The following ABCG2 variants were observed in gnomAD, a reference collection of about 807,000 sequenced individuals.
ABCG2 encodes the protein ATP binding cassette subfamily G member 2 (JR blood group), also known as broad substrate specificity ATP-binding cassette transporter ABCG2.
A neutral mutation model predicts 73.5 loss-of-function variants in ABCG2; 80 were observed. The ratio of observed to expected loss-of-function variants is 1.09; its 90% CI spans 0.91 to 1.31. The LOEUF is 1.31. Among genes scored for constraint, ABCG2 ranks in the 50% most tolerant of loss-of-function variants. The probability of loss-of-function intolerance (pLI) is 0.00; values close to 1 mark genes in which losing one functional copy is unlikely to be tolerated. For missense variants in ABCG2, 796 were observed against 786.2 expected (o/e 1.01, Z -0.15); for synonymous variants, 269 against 282.4 (o/e 0.95, Z 0.48).
intron 1 of ABCG2, among the ~76,000 whole-genome samples, chr4:88,221,908 A>G (rs1056593004): frequency 2.0e-5 from 3 of 152,246 alleles, no homozygotes; most frequent in Admixed American, 1.3e-4. Flanking sequence ...AGTAACAAGG[A>G]GCTGAATGTT....
intron 1 of ABCG2, among the ~76,000 whole-genome samples, chr4:88,219,866 G>A (rs1729952172): frequency 6.6e-6 from 1 of 151,782 alleles, no homozygotes; most frequent in Admixed American, 6.6e-5. Flanking sequence ...TGGGATTACA[G>A]GCTCAAATAG....
At chr4:88,166,711 T>C (rs1395217012) in intron 1 of ABCG2, among the ~76,000 whole-genome samples, 1 of 152,176 alleles carries the variant, frequency 6.6e-6, no homozygotes, top group Non-Finnish European at 1.5e-5. Flanking sequence ...GTTAGATAAA[T>C]TCTAGGGTAC....
At chr4:88,151,751 AAAG>A (rs900146666) in intron 1 of ABCG2, among the ~76,000 whole-genome samples, 2 of 152,198 alleles carry the variant, frequency 1.3e-5, no homozygotes, top group African/African-American at 4.8e-5. Context: ...AAAAAAAAAA[AAAG>A]AATTATTAAC....
intron 1 of ABCG2, among the ~76,000 whole-genome samples, chr4:88,178,156 G>C (rs976221141): frequency 3.9e-5 from 6 of 152,162 alleles, no homozygotes; most frequent in African/African-American, 1.4e-4. Context: ...ACAGCTCTGG[G>C]AGAAACTCCT....
intron 1 of ABCG2, among the ~76,000 whole-genome samples, chr4:88,186,499 T>C (rs1166384508): frequency 6.6e-6 from 1 of 152,166 alleles, no homozygotes; most frequent in East Asian, 1.9e-4. Context: ...GTTATAAGCA[T>C]GGTCGGTGGC....
chr4:88,213,740 T>C (rs1429649792), intron 1 of ABCG2, among the ~76,000 whole-genome samples: 3 of 152,000 alleles, frequency 2.0e-5, no homozygotes, highest in Non-Finnish European at 4.4e-5. Flanking sequence ...TAGAGTGCAG[T>C]GGTGCGATCT....
intron 7 of ABCG2, among the ~76,000 whole-genome samples, 194 bp from the exon 8 acceptor site, chr4:88,115,252 C>CTA (rs1459483704): frequency 2.5e-5 from 2 of 79,906 alleles, no homozygotes; most frequent in African/African-American, 8.6e-5. Context: ...CTCTCTCTCT[C>CTA]TCTCTATATA....
intron 2 of ABCG2, among the ~76,000 whole-genome samples, chr4:88,135,716 C>G (rs1182314521): frequency 6.6e-6 from 1 of 152,182 alleles, no homozygotes; most frequent in East Asian, 1.9e-4. Flanking sequence ...ATGTCCTGCA[C>G]TAGCAGGCAT....
intron 1 of ABCG2, among the ~76,000 whole-genome samples, chr4:88,221,865 G>T (rs1379560555): frequency 6.6e-6 from 1 of 152,218 alleles, no homozygotes; most frequent in African/African-American, 2.4e-5. Flanking sequence ...TTATTCTGGG[G>T]AGAAATTCAA....
At chr4:88,200,155 T>C (rs146883245) in intron 1 of ABCG2, among the ~76,000 whole-genome samples, 1 of 151,890 alleles carries the variant, frequency 6.6e-6, no homozygotes, top group East Asian at 2.0e-4. Flanking sequence ...CAAAACCCCA[T>C]CTCTACTAAA....
intron 5 of ABCG2, among the ~76,000 whole-genome samples, chr4:88,124,265 A>T (rs573010030): frequency 6.6e-6 from 1 of 152,332 alleles, no homozygotes; most frequent in South Asian, 2.1e-4. Flanking sequence ...TTAATGGGCA[A>T]AATAACCAGC....
chr4:88,176,741 G>T (rs13135956), intron 1 of ABCG2, among the ~76,000 whole-genome samples: 69 of 143,260 alleles, frequency 4.8e-4, no homozygotes, highest in Non-Finnish European at 6.7e-4. Context: ...CAGTCCTCTC[G>T]CCTTGGCCTC....
upstream of ABCG2, among the ~76,000 whole-genome samples, chr4:88,163,045 A>G (rs575651237): frequency 2.6e-3 from 392 of 152,314 alleles, no homozygotes; most frequent in African/African-American, 9.1e-3. Context: ...TGGCAAGGTC[A>G]GGTTTCAGAC....
At chr4:88,117,125 A>C (rs1371086186) in intron 7 of ABCG2, among the ~76,000 whole-genome samples, 21 of 151,886 alleles carry the variant, frequency 1.4e-4, no homozygotes, top group Admixed American at 1.4e-3. Flanking sequence ...GGAGTTTGAG[A>C]CCATCCTGGG....
chr4:88,113,495 C>A lies in ABCG2; in HGVS notation c.1002G>T (p.Glu334Asp), dbSNP rs1248406454. ...QDKPLIEKLA[E>D]IYVNSSFYKE... ...TGTAGAAGGAGGAGTTGACATAAAT[C>A]TCCGCTAATTTTTCTATGAGTGGCT... is the stretch of plus-strand genomic sequence containing the variant. The change falls in exon 9 of 16, where the codon GAG becomes GAT. Residue 334 changes from glutamate (E) to aspartate (D), a missense_variant. Glu to Asp is a conservative substitution (Grantham distance 45, BLOSUM62 2). Coordinates refer to ENST00000237612, the MANE Select transcript of ABCG2 (RefSeq NM_004827.3). The A allele has an allele frequency of 6.2e-7, 1 of 1,614,066 alleles. No individual in the cohort carries two copies. The highest frequency in any genetic ancestry group is 1.7e-5 in the Admixed American group (1 of 60,010).
chr4:88,157,139 A>G (rs1307528953), intron 1 of ABCG2, among the ~76,000 whole-genome samples: 1 of 152,204 alleles, frequency 6.6e-6, no homozygotes, highest in Non-Finnish European at 1.5e-5. Context: ...AATATGACAT[A>G]CTGAGATGGA....
chr4:88,182,488 C>A (rs1210375289), intron 1 of ABCG2, among the ~76,000 whole-genome samples: 1 of 152,008 alleles, frequency 6.6e-6, no homozygotes, highest in Non-Finnish European at 1.5e-5. Context: ...AAGGATAGAC[C>A]ATATGTTAGG....
At chr4:88,167,442 C>T (rs898424912) in intron 1 of ABCG2, among the ~76,000 whole-genome samples, 4 of 141,956 alleles carry the variant, frequency 2.8e-5, no homozygotes, top group African/African-American at 8.0e-5. Context: ...GGCACAATCT[C>T]GGCTCACTGC....
At chr4:88,159,124 C>T (rs1420771576), upstream of ABCG2, 2 of 407,912 alleles carry the variant, frequency 4.9e-6, no homozygotes, top group Non-Finnish European at 1.0e-5. Context: ...AAGCCAAACA[C>T]TCCCGCCTCC....
Sources: gnomAD v4.1 joint callset for allele counts (sites outside exome capture counted in the v4.1 genomes callset) on GRCh38, gnomAD v4.1.1 for gene constraint, MANE v1.5 for transcripts, NCBI Gene and HGNC (gene_info 2026-07-23, HGNC 2026-07-21) for gene names.